The following FCRL3 variants were observed in gnomAD, a reference collection of about 807,000 sequenced individuals.
FCRL3 encodes Fc receptor-like protein 3.
Under a neutral mutation model 75.0 loss-of-function variants are expected in FCRL3, and 89 were observed. The observed-to-expected ratio is 1.19, with a 90% CI of 1.00 to 1.42. The LOEUF is 1.42. FCRL3 is among the 40% of genes most tolerant of loss of function. The pLI, the probability that FCRL3 is intolerant of heterozygous loss-of-function variation, is 0.00. For missense variants in FCRL3, 946 were observed against 880.0 expected (o/e 1.07, Z -0.95); for synonymous variants, 376 against 348.5 (o/e 1.08, Z -0.88).
Position 157,676,905 on chromosome 1 carries a change from G to C in FCRL3, c.*1805C>G. 2.1e-6 allele frequency: 3 copies of C among 1,453,044 alleles called. No homozygotes were observed. In the South Asian group the frequency reaches 4.3e-5, roughly 21 times the overall value. The allele number at this position is 1,453,044 out of a possible 1,614,324, so 90.0% of individuals were successfully genotyped here. On this transcript the variant is annotated 3_prime_UTR_variant, in exon 15 of 15. Transcript: ENST00000368184. ...GGAGGAGAGCCTCCATATACAGCCT[G>C]GTGGTTGGTACCCAAAACCGGTTTA...
chr1:157,684,600 G>A (rs1331259694), intron 10 of FCRL3, among the ~76,000 whole-genome samples: 3 of 152,132 alleles, frequency 2.0e-5, no homozygotes, highest in African/African-American at 7.2e-5. Context: ...TATTATACAA[G>A]CTAATATTCC....
Position 157,697,795 on chromosome 1 carries a change from A to C in FCRL3, c.423T>G (p.Pro141=). The C allele has an allele frequency of 6.2e-7, 1 of 1,614,164 alleles. No individual in the cohort carries two copies. The highest frequency in any genetic ancestry group is 8.5e-7 in the Non-Finnish European group (1 of 1,180,030). Residue 141 remains proline (P), a synonymous_variant, in exon 5 of 15, where the codon CCT becomes CCG. Coordinates refer to ENST00000368184, the MANE Select transcript of FCRL3 (RefSeq NM_052939.4). ...KVYYKDGKQL[P]NSYNLEKITV... is the part of the protein sequence containing the mutation. ...TGATCTTCTCTAAATTATAACTATT[A>C]GGAAGCTGTTTTCCATCCTTGTAGT...
chr1:157,695,592 G>A lies in FCRL3; in HGVS notation c.1148C>T (p.Pro383Leu). ...CCTGGGAGCCCTGAAGGTGAGGACAGGGTGAGATACCGGAACTGAAGGAGA... is the reference window on the plus strand; with the variant it reads ...CCTGGGAGCCCTGAAGGTGAGGACAAGGTGAGATACCGGAACTGAAGGAGA... ...RVTVRIPVSH[P>L]VLTFRAPRAH... Residue 383 changes from proline (P) to leucine (L), a missense_variant, in exon 8 of 15, where the codon CCT becomes CTT. By Grantham distance (98) the Pro-to-Leu change is moderately conservative. Coordinates refer to ENST00000368184, the MANE Select transcript of FCRL3 (RefSeq NM_052939.4). The A allele has an allele frequency of 6.2e-7, 1 of 1,607,838 alleles. No individual in the cohort carries two copies. The highest frequency in any genetic ancestry group is 8.5e-7 in the Non-Finnish European group (1 of 1,177,074).
At chr1:157,696,479 T>TA in intron 6 of FCRL3, 152 bp from the exon 7 acceptor site, 1 of 718,808 alleles carries the variant, frequency 1.4e-6, no homozygotes, top group Non-Finnish European at 2.2e-6. Flanking sequence ...TGTATACGAT[T>TA]ATAAAGGAAG....
intron 10 of FCRL3, among the ~76,000 whole-genome samples, chr1:157,688,428 T>C (rs1033850782): frequency 1.3e-5 from 2 of 152,014 alleles, no homozygotes; most frequent in African/African-American, 4.8e-5. Context: ...AATTCCAAAT[T>C]CTGGAAGCAA....
At chr1:157,694,980 G>A (rs1170949794) in intron 8 of FCRL3, among the ~76,000 whole-genome samples, 3 of 152,014 alleles carry the variant, frequency 2.0e-5, no homozygotes, top group Admixed American at 6.6e-5. Flanking sequence ...TTTTTTTCCT[G>A]GGCAAAGGAA....
chr1:157,688,191 A>G (rs1655296266), intron 10 of FCRL3, among the ~76,000 whole-genome samples: 1 of 152,148 alleles, frequency 6.6e-6, no homozygotes, highest in South Asian at 2.1e-4. Flanking sequence ...GCTGCATGCT[A>G]TCTATTAAAA....
rs531184006 is a variant in FCRL3, at chr1:157,677,786, A to G, written c.*924T>C. 24 of 510,698 alleles carry G rather than the reference A, an allele frequency of 4.7e-5. No homozygotes were observed. The highest frequency in any genetic ancestry group is 1.3e-4 in the Admixed American group (2 of 15,708). 31.6% of individuals were successfully genotyped at this position (510,698 alleles called of 1,614,324 possible). A position where few individuals can be genotyped will look rare whatever the true frequency, so the allele number is the denominator to read the frequency against. ...ACTTATAGTTAAAACTAATATAAAA[A>G]CATATTTAAGGAAAACATGTAGATA... On this transcript the variant is annotated 3_prime_UTR_variant, in exon 15 of 15. Coordinates refer to ENST00000368184, the MANE Select transcript of FCRL3 (RefSeq NM_052939.4).
In FCRL3 at chr1:157,695,310, G is replaced by C. The variant is rs1364469617; in HGVS notation, c.1411+19C>G. The C allele has an allele frequency of 1.9e-6, 3 of 1,605,062 alleles. No homozygotes were observed. Among genetic ancestry groups the C allele is most frequent in the Admixed American group, 3.4e-5 (2 of 59,526 alleles). On this transcript the variant is annotated intron_variant, in intron 8 of 14. Coordinates refer to ENST00000368184, the MANE Select transcript of FCRL3 (RefSeq NM_052939.4). ...TCTGTTGTATTGGCTGTTAACTGCT[G>C]TGGGTATATCTTGCTTACCTGTGAC...
Position 157,678,029 on chromosome 1 carries a change from A to C in FCRL3, c.*681T>G. 1 of 985,458 alleles carries C rather than the reference A, an allele frequency of 1.0e-6. No homozygotes were observed. The highest frequency in any genetic ancestry group is 1.2e-6 in the Non-Finnish European group (1 of 829,954). The allele number at this position is 985,458 out of a possible 1,614,324, so 61.0% of individuals were successfully genotyped here. A position where few individuals can be genotyped will look rare whatever the true frequency, so the allele number is the denominator to read the frequency against. On this transcript the variant is annotated 3_prime_UTR_variant, in exon 15 of 15. Transcript: ENST00000368184. ...GATGAGACTATGTCATGAAGCAAAA[A>C]TTACAATTAATGTGATTCTTCACAC...
chr1:157,697,042 CCT>C, intron 6 of FCRL3, 96 bp downstream of exon 6: 1 of 1,161,410 alleles, frequency 8.6e-7, no homozygotes, highest in Non-Finnish European at 1.1e-6. Flanking sequence ...GCTGGACACT[CCT>C]CTCTGTTATG....
At chr1:157,697,604 C>T (rs935832658) in intron 5 of FCRL3, 55 bp downstream of exon 5, 26 of 1,561,596 alleles carry the variant, frequency 1.7e-5, no homozygotes, top group Non-Finnish European at 2.2e-5. Context: ...AACATCTTCC[C>T]TTTATCCCCA....
intron 8 of FCRL3, among the ~76,000 whole-genome samples, chr1:157,694,465 A>T (rs755498538): frequency 3.9e-5 from 6 of 152,154 alleles, no homozygotes; most frequent in Non-Finnish European, 7.4e-5. Context: ...ATCATTGGAG[A>T]ACAAGAGTCC....
intron 11 of FCRL3, among the ~76,000 whole-genome samples, chr1:157,681,995 G>A (rs1282042271): frequency 2.0e-5 from 3 of 151,792 alleles, no homozygotes; most frequent in Non-Finnish European, 4.4e-5. Context: ...GATGGCCAGT[G>A]ATGATGAGCA....
Position 157,678,668 on chromosome 1 carries a change from A to T in FCRL3, c.*42T>A. The T allele has an allele frequency of 1.2e-6, 2 of 1,607,788 alleles. No individual in the cohort carries two copies. The highest frequency in any genetic ancestry group is 2.2e-5 in the South Asian group (2 of 90,688). On this transcript the variant is annotated 3_prime_UTR_variant, in exon 15 of 15. Coordinates refer to ENST00000368184, the MANE Select transcript of FCRL3 (RefSeq NM_052939.4). ...TGTGGTTGGAGAGAACAGAAAAAAA[A>T]ATGGTGCAGGCTGTTTCCTGTGGGC...
At position 157,678,738 on chromosome 1, in the gene FCRL3, G is replaced by A. The variant is rs1654621370; in HGVS notation, c.2177C>T (p.Pro726Leu). 6.2e-7 allele frequency: 1 copy of A among 1,613,824 alleles called. No individual in the cohort carries two copies. The highest frequency in any genetic ancestry group is 1.1e-5 in the South Asian group (1 of 91,082). ...GTGGTCTGAGGCCAGTAATACACGT[G>A]GTACATTCTCATAGTTTTCTTCATC... The part of the protein sequence containing the change: ...EDDEENYENV[P>L]RVLLASDH The change falls in exon 15 of 15, where the codon CCA (proline) becomes CTA (leucine). Residue 726 changes from proline (P) to leucine (L), a missense_variant. Physicochemically the swap from Pro to Leu is moderately conservative, Grantham distance 98. Transcript: ENST00000368184.
chr1:157,696,381 C>A (rs781415832), intron 6 of FCRL3, 54 bp from the exon 7 acceptor site: 2 of 1,596,390 alleles, frequency 1.3e-6, no homozygotes, highest in African/African-American at 1.3e-5. Context: ...ACATCAAGGT[C>A]AAGGGGAAGG....
At chr1:157,697,560 C>A (rs979950100) in intron 5 of FCRL3, 99 bp downstream of exon 5, 3 of 1,484,798 alleles carry the variant, frequency 2.0e-6, no homozygotes, top group Non-Finnish European at 2.7e-6. Context: ...CATGGCTGAG[C>A]CATAGGAGAC....
rs150584408 is a variant in FCRL3 at position 157,689,834 on chromosome 1, C to G, written c.1774G>C (p.Ala592Pro). ...CGGGCCCTGGCGTAATGCAGCAGAG[C>G]AGCAGCAGCAGCAAGGACGAGGATG... The part of the protein sequence containing the change: ...LSILVLAAAA[A>P]LLHYARARRK... Residue 592 changes from alanine to proline, a missense_variant, in exon 10 of 15, where the codon GCT becomes CCT. Ala to Pro is a conservative substitution (Grantham distance 27). Transcript: ENST00000368184. 33 of 1,611,622 alleles carry G rather than the reference C, an allele frequency of 2.0e-5. 1 individual carries two copies. In the Admixed American group the frequency reaches 4.5e-4, roughly 22 times the overall value.
Sources: gnomAD v4.1 joint callset for allele counts (sites outside exome capture counted in the v4.1 genomes callset) on GRCh38, gnomAD v4.1.1 for gene constraint, MANE v1.5 for transcripts, NCBI Gene and HGNC (gene_info 2026-07-23, HGNC 2026-07-21) for gene names.